The following PBX1 variants were observed in gnomAD, a reference collection of about 807,000 sequenced individuals.
PBX1 encodes the protein pre-B-cell leukemia transcription factor 1.
A neutral mutation model predicts 53.4 loss-of-function variants in PBX1; 6 were observed. The observed-to-expected ratio is 0.11, with a 90% CI of 0.06 to 0.22. The LOEUF (loss-of-function observed/expected upper bound fraction) is 0.22. Among genes scored for constraint, PBX1 ranks in the 10% least tolerant of loss-of-function variants. PBX1 has a pLI of 1.00. For synonymous variants in PBX1, 204 were observed against 212.3 expected, an observed-to-expected ratio of 0.96 and a Z score of 0.34; for missense variants, 251 against 551.4, an observed-to-expected ratio of 0.46 and a Z score of 5.46.
intron 2 of PBX1, among the ~76,000 whole-genome samples, chr1:164,788,868 A>G (rs1668345028): frequency 6.6e-6 from 1 of 151,172 alleles, no homozygotes; most frequent in Non-Finnish European, 1.5e-5. Flanking sequence ...GCCGTGGTGC[A>G]TTGTATCTAT....
chr1:164,713,971 C>T (rs561676756), intron 2 of PBX1, among the ~76,000 whole-genome samples: 7 of 152,306 alleles, frequency 4.6e-5, no homozygotes, highest in Admixed American at 3.3e-4. Flanking sequence ...TCACAGCTCA[C>T]GTGTTGCAAA....
chr1:164,694,896 T>G (rs966742700), intron 2 of PBX1, among the ~76,000 whole-genome samples: 1 of 152,222 alleles, frequency 6.6e-6, no homozygotes, highest in Non-Finnish European at 1.5e-5. Context: ...TTCAGCAGTA[T>G]TGACCTCTTG....
chr1:164,793,872 C>CTT (rs72414989), intron 3 of PBX1, among the ~76,000 whole-genome samples: 1,286 of 78,260 alleles, frequency 0.016, 77 homozygotes, highest in South Asian at 0.031. Flanking sequence ...TTTTTCCTTT[C>CTT]TTTTTTTTTT....
intron 2 of PBX1, among the ~76,000 whole-genome samples, chr1:164,582,225 C>T (rs1456251707): frequency 1.3e-5 from 2 of 152,128 alleles, no homozygotes; most frequent in Non-Finnish European, 2.9e-5. Flanking sequence ...TCAAACTAGT[C>T]TAGGACCTTG....
rs1032940654 is a variant in PBX1, at chr1:164,687,484, G to A, written c.266-105010G>A. 6.1e-5 allele frequency among the ~76,000 whole-genome samples: 9 copies of A among 148,192 alleles called. No individual in the cohort carries two copies. The East Asian group carries it at 1.4e-3, about 23-fold the overall frequency. On this transcript the variant is annotated intron_variant, in intron 2 of 8. Transcript: ENST00000420696. ...GGCTGAGATGGGAGGATCCACCTGA[G>A]CCCTTGGGGGTCGAGGCTGTAGCAA... is the stretch of plus-strand genomic sequence containing the variant.
intron 2 of PBX1, among the ~76,000 whole-genome samples, chr1:164,630,597 T>C (rs565413357): frequency 1.3e-5 from 2 of 152,168 alleles, no homozygotes; most frequent in Non-Finnish European, 2.9e-5. Context: ...AGATAATCTA[T>C]GTAAAGTACA....
intron 4 of PBX1, among the ~76,000 whole-genome samples, chr1:164,805,933 A>G (rs1218522389): frequency 2.6e-5 from 4 of 152,130 alleles, no homozygotes; most frequent in African/African-American, 4.8e-5. Flanking sequence ...CAGGCACTTC[A>G]TTGTGTTAAT....
chr1:164,876,914 C>T (rs530875948), intron 2 of PBX1, among the ~76,000 whole-genome samples: 1 of 152,294 alleles, frequency 6.6e-6, no homozygotes, highest in South Asian at 2.1e-4. Flanking sequence ...CGGCCCCCTG[C>T]CGTGCACCTA....
intron 2 of PBX1, among the ~76,000 whole-genome samples, chr1:164,671,246 A>G (rs527827213): frequency 6.7e-6 from 1 of 149,988 alleles, no homozygotes; most frequent in African/African-American, 2.5e-5. Context: ...CCTTTTCATT[A>G]TATAGAAATT....
chr1:164,812,289 T>A, intron 6 of PBX1, 140 bp downstream of exon 6: 1 of 826,756 alleles, frequency 1.2e-6, no homozygotes, highest in Non-Finnish European at 1.8e-6. Context: ...TTTTGGATGT[T>A]AATGTCACTT....
intron 5 of PBX1, among the ~76,000 whole-genome samples, chr1:164,810,770 T>C (rs1375388039): frequency 6.6e-6 from 1 of 152,240 alleles, no homozygotes; most frequent in African/African-American, 2.4e-5. Flanking sequence ...TTACCTCTTT[T>C]TCTGTAGACA....
intron 2 of PBX1, among the ~76,000 whole-genome samples, chr1:164,712,435 G>C (rs1035730817): frequency 7.2e-5 from 11 of 152,230 alleles, no homozygotes; most frequent in African/African-American, 2.7e-4. Context: ...ATAACAGGCT[G>C]TTAGCAGCCT....
At chr1:164,618,734 C>G (rs1657468463) in intron 2 of PBX1, among the ~76,000 whole-genome samples, 1 of 152,148 alleles carries the variant, frequency 6.6e-6, no homozygotes, top group Non-Finnish European at 1.5e-5. Context: ...TTTTACATCT[C>G]TAATATTTAT....
At chr1:164,712,035 G>T (rs1231798233) in intron 2 of PBX1, among the ~76,000 whole-genome samples, 1 of 150,220 alleles carries the variant, frequency 6.7e-6, no homozygotes, top group Non-Finnish European at 1.5e-5. Flanking sequence ...CCCACCGTAA[G>T]AGAATCAGAA....
chr1:164,563,395 A>T, intron 2 of PBX1, 84 bp downstream of exon 2: 2 of 873,450 alleles, frequency 2.3e-6, no homozygotes, highest in South Asian at 3.3e-5. Context: ...TTATTTAAAT[A>T]TTAAAATTTC....
At chr1:164,692,419 G>T (rs1404921364) in intron 2 of PBX1, among the ~76,000 whole-genome samples, 2 of 152,148 alleles carry the variant, frequency 1.3e-5, no homozygotes, top group African/African-American at 4.8e-5. Flanking sequence ...GAAAGGGAGG[G>T]TGTGAACTAT....
At chr1:164,744,235 G>T (rs967254226) in intron 2 of PBX1, among the ~76,000 whole-genome samples, 8 of 152,094 alleles carry the variant, frequency 5.3e-5, no homozygotes, top group African/African-American at 1.9e-4. Flanking sequence ...CTCAAGAGGG[G>T]ATTATATTTC....
chr1:164,824,245 G>A (rs1034530381), intron 8 of PBX1, among the ~76,000 whole-genome samples: 2 of 152,094 alleles, frequency 1.3e-5, no homozygotes, highest in Non-Finnish European at 2.9e-5. Context: ...CAGACCATTT[G>A]CCTTTAACTG....
At chr1:164,601,100 G>A (rs748555450) in intron 2 of PBX1, among the ~76,000 whole-genome samples, 8 of 151,918 alleles carry the variant, frequency 5.3e-5, no homozygotes, top group South Asian at 2.1e-4. Flanking sequence ...TTAGCCGGGC[G>A]TGGCGGTGGG....
Sources: gnomAD v4.1 joint callset for allele counts (sites outside exome capture counted in the v4.1 genomes callset) on GRCh38, gnomAD v4.1.1 for gene constraint, MANE v1.5 for transcripts, NCBI Gene and HGNC (gene_info 2026-07-23, HGNC 2026-07-21) for gene names.